SCRN3: variants seen among roughly 807,000 people sequenced by gnomAD.
SCRN3 encodes the protein secernin 3.
In SCRN3, 39 loss-of-function variants were observed where a neutral mutation model predicts 43.1. The observed-to-expected ratio is 0.91, with a 90% CI of 0.70 to 1.18. The LOEUF is 1.18. SCRN3 is among the 50% of genes most tolerant of loss of function. SCRN3 has a pLI of 0.00. For synonymous variants in SCRN3, 147 were observed against 163.1 expected (o/e 0.90, Z 0.75); for missense variants, 484 against 498.0 (o/e 0.97, Z 0.27).
At chr2:174,410,623 T>G (rs1441030269) in intron 5 of SCRN3, 1 of 152,234 alleles carries the variant, frequency 6.6e-6, no homozygotes, top group Admixed American at 6.5e-5. Flanking sequence ...TTGAGATTAC[T>G]TTTCTTCTGA....
chr2:174,395,810 G>C lies in SCRN3; in HGVS notation c.-17G>C, dbSNP rs765671888. The C allele has an allele frequency of 5.2e-6, 8 of 1,535,212 alleles. No homozygotes were observed. Among genetic ancestry groups the C allele is most frequent in the Non-Finnish European group, 7.0e-6 (8 of 1,138,776 alleles). On this transcript the variant is annotated 5_prime_UTR_variant, in exon 1 of 8. Coordinates refer to ENST00000272732, the MANE Select transcript of SCRN3 (RefSeq NM_024583.5). ...TCCACCTGTCACTTCGGGTAGCTGG[G>C]AGGCCAGGTGAGGGGCGCGCACGGG... is the stretch of plus-strand genomic sequence containing the variant.
intron 5 of SCRN3, among the ~76,000 whole-genome samples, chr2:174,420,439 T>C (rs764089335): frequency 6.6e-6 from 1 of 152,192 alleles, no homozygotes; most frequent in African/African-American, 2.4e-5. Flanking sequence ...TTTCATTCAA[T>C]GGAAAGTATC....
Position 174,427,707 on chromosome 2 carries a change from G to T in SCRN3, c.1093-6G>T. 6.3e-7 allele frequency: 1 copy of T among 1,576,334 alleles called. No homozygotes were observed. The highest frequency in any genetic ancestry group is 8.7e-7 in the Non-Finnish European group (1 of 1,155,474). On this transcript the variant is annotated splice_region_variant and splice_polypyrimidine_tract_variant and intron_variant, in intron 7 of 7. Transcript: ENST00000272732. ...TGTGTTTATCTTTATATTTTTAATT[G>T]TTTAGGAAAAAGCCAAAATAATGTT...
intron 2 of SCRN3, among the ~76,000 whole-genome samples, chr2:174,399,470 G>A (rs1685430603): frequency 6.6e-6 from 1 of 152,180 alleles, no homozygotes; most frequent in Non-Finnish European, 1.5e-5. Context: ...TATTGAGGTT[G>A]AGAACTACTT....
At chr2:174,402,640 T>C (rs1685545921) in intron 4 of SCRN3, among the ~76,000 whole-genome samples, 1 of 152,036 alleles carries the variant, frequency 6.6e-6, no homozygotes, top group South Asian at 2.1e-4. Context: ...AGTGAGCTAT[T>C]ATTATGCCAC....
At chr2:174,397,154 C>A in intron 1 of SCRN3, 1 of 978,478 alleles carries the variant, frequency 1.0e-6, no homozygotes, top group Non-Finnish European at 1.2e-6. Context: ...AGAGGAAAAC[C>A]CTTAAGAGTT....
intron 4 of SCRN3, among the ~76,000 whole-genome samples, chr2:174,401,402 T>C (rs1194926083): frequency 6.6e-6 from 1 of 152,224 alleles, no homozygotes; most frequent in Non-Finnish European, 1.5e-5. Context: ...CCTCTGGGAA[T>C]ATGAATTTCA....
chr2:174,424,532 T>C lies in SCRN3; in HGVS notation c.975T>C (p.Ser325=), dbSNP rs1326478916. ...VPHISQLLDT[S]SPTFELEDLV... Reference sequence around the variant, plus strand: ...ATATTTCACAACTATTGGATACCAGTTCACCAACATTTGAACTTGAAGATC... The same window carrying C: ...ATATTTCACAACTATTGGATACCAGCTCACCAACATTTGAACTTGAAGATC... Residue 325 remains serine, a synonymous_variant, in exon 7 of 8, where the codon AGT becomes AGC. Coordinates refer to ENST00000272732, the MANE Select transcript of SCRN3 (RefSeq NM_024583.5). The C allele has an allele frequency of 2.5e-6, 4 of 1,613,170 alleles. No individual in the cohort carries two copies. Among genetic ancestry groups the C allele is most frequent in the Non-Finnish European group, 8.5e-7 (1 of 1,179,464 alleles).
intron 5 of SCRN3, 30 bp from the exon 6 acceptor site, chr2:174,422,855 A>T (rs776043910): frequency 2.0e-6 from 3 of 1,481,920 alleles, no homozygotes; most frequent in Non-Finnish European, 2.8e-6. Flanking sequence ...ATGCATATGT[A>T]TTTGATGATT....
chr2:174,396,108 T>C, intron 1 of SCRN3: 7 of 1,033,670 alleles, frequency 6.8e-6, no homozygotes, highest in Non-Finnish European at 8.6e-6. Context: ...AACCGTAGTA[T>C]GCTTGCGAGA....
At chr2:174,403,438 T>C (rs1462272436) in intron 4 of SCRN3, among the ~76,000 whole-genome samples, 1 of 152,206 alleles carries the variant, frequency 6.6e-6, no homozygotes, top group Non-Finnish European at 1.5e-5. Flanking sequence ...TTTTCCATGA[T>C]GACCAAAAAC....
At chr2:174,427,682 T>A in intron 7 of SCRN3, 31 bp from the exon 8 acceptor site, 1 of 1,414,578 alleles carries the variant, frequency 7.1e-7, no homozygotes, top group Non-Finnish European at 9.7e-7. Flanking sequence ...TATATGTATA[T>A]GTGTTTATCT....
intron 5 of SCRN3, among the ~76,000 whole-genome samples, chr2:174,406,409 G>A (rs1685694874): frequency 7.5e-6 from 1 of 133,768 alleles, no homozygotes; most frequent in Non-Finnish European, 1.7e-5. Flanking sequence ...TGCAAACAGG[G>A]ACAATTTGAC....
chr2:174,396,195 G>A, intron 1 of SCRN3: 1 of 818,998 alleles, frequency 1.2e-6, no homozygotes, highest in Non-Finnish European at 1.5e-6. Flanking sequence ...AGCTCTGCAA[G>A]AACGGAGGCC....
chr2:174,395,876 A>T lies in SCRN3; in HGVS notation c.-10+59A>T, dbSNP rs536221654. The T allele has an allele frequency of 4.1e-6, 6 of 1,449,684 alleles. No homozygotes were observed. The East Asian group carries it at 1.5e-4, about 37-fold the overall frequency. The allele number at this position is 1,449,684 out of a possible 1,614,324, so 89.8% of individuals were successfully genotyped here. A position where few individuals can be genotyped will look rare whatever the true frequency, so the allele number is the denominator to read the frequency against. On this transcript the variant is annotated intron_variant, in intron 1 of 7. Transcript: ENST00000272732. ...GTTGAGACAGAAACCCGGAAGACCC[A>T]ACTGTGGCGCGGCACTGCTTGACCG...
chr2:174,427,796 G>C lies in SCRN3; in HGVS notation c.1176G>C (p.Lys392Asn), dbSNP rs1686539444. Residue 392 changes from lysine (K) to asparagine (N), a missense_variant, in exon 8 of 8, where the codon AAG (lysine) becomes AAC (asparagine). Transcript: ENST00000272732. Reference protein sequence around the residue: ...FREMESILQNKHLDVEKIVNL... With the variant: ...FREMESILQNNHLDVEKIVNL... ...AGATGGAATCAATCCTTCAAAACAA[G>C]CATCTTGATGTGGAGAAAATTGTTA... 4 of 1,611,586 alleles carry C rather than the reference G, an allele frequency of 2.5e-6. No individual in the cohort carries two copies. The highest frequency in any genetic ancestry group is 3.4e-6 in the Non-Finnish European group (4 of 1,177,960).
At chr2:174,421,385 T>G (rs904419942) in intron 5 of SCRN3, among the ~76,000 whole-genome samples, 2 of 152,176 alleles carry the variant, frequency 1.3e-5, no homozygotes, top group African/African-American at 4.8e-5. Context: ...TAGACAAACA[T>G]TGTTGAAAAT....
chr2:174,415,520 C>G (rs933346994), intron 5 of SCRN3, among the ~76,000 whole-genome samples: 4 of 151,996 alleles, frequency 2.6e-5, no homozygotes, highest in Admixed American at 2.0e-4. Context: ...CTTTTGCTTC[C>G]AAATAATTCC....
intron 3 of SCRN3, 54 bp from the exon 4 acceptor site, chr2:174,400,936 A>T (rs549254915): frequency 1.5e-4 from 202 of 1,355,310 alleles, no homozygotes; most frequent in African/African-American, 4.0e-4. Flanking sequence ...GAAATTATTT[A>T]AAAAAAATAA....
Sources: allele counts gnomAD v4.1 joint callset (sites outside exome capture counted in the v4.1 genomes callset), GRCh38; gene constraint gnomAD v4.1.1; transcripts MANE v1.5; gene names NCBI Gene and HGNC (gene_info 2026-07-23, HGNC 2026-07-21).